MEIS3: variants seen among roughly 807,000 people sequenced by gnomAD.
The protein encoded by MEIS3 is homeobox protein Meis3.
A neutral mutation model predicts 51.4 loss-of-function variants in MEIS3; 38 were observed. The observed-to-expected ratio is 0.74, with a 90% confidence interval of 0.57 to 0.97. MEIS3 has a LOEUF of 0.97. Among genes scored for constraint, MEIS3 ranks in the 50% least tolerant of loss-of-function variants. The pLI is 0.00. For missense variants in MEIS3, 456 were observed against 502.6 expected (o/e 0.91, Z 0.89); for synonymous variants, 198 against 201.8 (o/e 0.98, Z 0.16).
At chr19:47,413,265 C>T (rs1037076821) in intron 6 of MEIS3, among the ~76,000 whole-genome samples, 2 of 151,876 alleles carry the variant, frequency 1.3e-5, no homozygotes, top group African/African-American at 2.4e-5. Flanking sequence ...TGGTCGTGGG[C>T]ACCTGTAGTC....
chr19:47,411,790 T>G (rs1322645042), intron 6 of MEIS3, among the ~76,000 whole-genome samples: 1 of 152,006 alleles, frequency 6.6e-6, no homozygotes, highest in East Asian at 1.9e-4. Context: ...TCCACCCCCC[T>G]CAGACTCACA....
Position 47,410,447 on chromosome 19 carries a change from C to T in MEIS3, c.598-900G>A, listed in dbSNP as rs192834750. On this transcript the variant is annotated intron_variant, in intron 6 of 12. Coordinates refer to ENST00000558555, the MANE Select transcript of MEIS3 (RefSeq NM_001301059.2). ...TGGCCGGGGTGACAAAGTGAGACTA[C>T]GTCTCAAAAAAAAAAAAAAAAGAAA... is the stretch of plus-strand genomic sequence containing the variant. Among the ~76,000 whole-genome samples the T allele has an allele frequency of 2.1e-3, 282 of 136,460 alleles. 1 individual carries two copies. The highest frequency in any genetic ancestry group is 3.5e-3 in the Non-Finnish European group (226 of 65,258). The allele number at this position is 136,460 out of a possible 152,430, so 89.5% of individuals were successfully genotyped here. A position where few individuals can be genotyped will look rare whatever the true frequency, so the allele number is the denominator to read the frequency against.
chr19:47,420,858 TG>T (rs768183562), upstream of MEIS3, among the ~76,000 whole-genome samples: 6 of 151,578 alleles, frequency 4.0e-5, no homozygotes, highest in Admixed American at 2.6e-4. Context: ...TCCCTCTGTC[TG>T]TCCATCCGTC....
At chr19:47,406,645 T>C (rs1203533683) in intron 11 of MEIS3, 119 bp from the exon 12 acceptor site, 2 of 1,060,106 alleles carry the variant, frequency 1.9e-6, no homozygotes, top group Non-Finnish European at 2.9e-6. Context: ...GACTGAGTCA[T>C]AAGAAGGTGC....
chr19:47,409,370 C>T (rs1243893760), intron 7 of MEIS3, 66 bp downstream of exon 7: 5 of 1,577,926 alleles, frequency 3.2e-6, no homozygotes, highest in Non-Finnish European at 2.6e-6. Flanking sequence ...ACAAGTCTTA[C>T]TTGCGATCTA....
chr19:47,419,132 G>A lies in MEIS3; in HGVS notation c.-51C>T. The A allele has an allele frequency of 8.2e-7, 1 of 1,223,352 alleles. No homozygotes were observed. The allele number at this position is 1,223,352 out of a possible 1,614,324, so 75.8% of individuals were successfully genotyped here. ...GGTCCCTCCAGAGCCTGGCCGCGGG[G>A]GAGGGCGCAGCCCGGGGCCGCAGCC... On this transcript the variant is annotated 5_prime_UTR_variant, in exon 1 of 13. Transcript: ENST00000558555.
Position 47,403,218 on chromosome 19 carries a change from G to A in MEIS3, c.*353C>T, listed in dbSNP as rs572185375. On this transcript the variant is annotated 3_prime_UTR_variant, in exon 13 of 13. Transcript: ENST00000558555. ...AGTGAAGGAATCTCTCCAAAATGTCGGATCCGGGCGACCCTCCTTCCCTGA... is the reference window on the plus strand; with the variant it reads ...AGTGAAGGAATCTCTCCAAAATGTCAGATCCGGGCGACCCTCCTTCCCTGA... 99 of 306,362 alleles carry A rather than the reference G, an allele frequency of 3.2e-4. No individual in the cohort carries two copies. Among genetic ancestry groups the A allele is most frequent in the African/African-American group, 2.0e-3 (88 of 43,658 alleles). The allele number at this position is 306,362 out of a possible 1,614,324, so 19.0% of individuals were successfully genotyped here.
rs376193949 is a variant in MEIS3, at chr19:47,415,011, C to T, written c.447+40G>A. 6.0e-5 allele frequency: 90 copies of T among 1,512,534 alleles called. 1 individual carries two copies. In the African/African-American group the frequency reaches 1.2e-3, roughly 21 times the overall value. 93.7% of individuals were successfully genotyped at this position (1,512,534 alleles called of 1,614,324 possible). Reference sequence around the variant, plus strand: ...GAGGCGACGAGAGGGGGTGGGATGACAGGGGCAAGTGAGGGTGTGGGGAGG... The same window carrying T: ...GAGGCGACGAGAGGGGGTGGGATGATAGGGGCAAGTGAGGGTGTGGGGAGG... On this transcript the variant is annotated intron_variant, in intron 5 of 12. Coordinates refer to ENST00000558555, the MANE Select transcript of MEIS3 (RefSeq NM_001301059.2).
At chr19:47,420,913 C>CAT (rs1971688343), upstream of MEIS3, among the ~76,000 whole-genome samples, 101 of 95,900 alleles carry the variant, frequency 1.1e-3, no homozygotes, top group African/African-American at 5.4e-3. Context: ...CTCTCTCTCA[C>CAT]ACACACACAC....
In MEIS3 at chr19:47,407,448, T is replaced by C. The variant is rs1970896827; in HGVS notation, c.859-20A>G. On this transcript the variant is annotated intron_variant, in intron 8 of 12. Transcript: ENST00000558555. ...CGGGTGCTGCAGCCACCAGCAAGAG[T>C]CACTCTGCCTGCCTGGCCGGCCGCA... 1 of 1,613,178 alleles carries C rather than the reference T, an allele frequency of 6.2e-7. No individual in the cohort carries two copies. Among genetic ancestry groups the C allele is most frequent in the Non-Finnish European group, 8.5e-7 (1 of 1,179,756 alleles).
upstream of MEIS3, among the ~76,000 whole-genome samples, chr19:47,420,942 T>C (rs12978246): frequency 3.9e-5 from 3 of 77,100 alleles, no homozygotes; most frequent in Admixed American, 1.5e-4. Context: ...ACACACACAC[T>C]CTCTCTCTCT....
At chr19:47,405,296 A>C (rs1319700667) in intron 12 of MEIS3, among the ~76,000 whole-genome samples, 1 of 152,192 alleles carries the variant, frequency 6.6e-6, no homozygotes, top group East Asian at 1.9e-4. Flanking sequence ...GGAAAGTCAA[A>C]TAATGCCCCC....
intron 1 of MEIS3, 54 bp from the exon 2 acceptor site, chr19:47,417,404 G>A (rs748920113): frequency 4.4e-6 from 7 of 1,599,626 alleles, no homozygotes; most frequent in African/African-American, 4.0e-5. Context: ...TCAGCACCCC[G>A]AGACTCGGCT....
At chr19:47,417,021 C>G (rs1971461903) in intron 2 of MEIS3, 58 bp from the exon 3 acceptor site, 4 of 1,545,176 alleles carry the variant, frequency 2.6e-6, no homozygotes, top group Non-Finnish European at 3.5e-6. Context: ...GATGGAGGGG[C>G]TGCCAAGATG....
At chr19:47,414,639 A>G in intron 6 of MEIS3, 78 bp downstream of exon 6, 1 of 1,480,152 alleles carries the variant, frequency 6.8e-7, no homozygotes, top group Non-Finnish European at 9.1e-7. Context: ...GAGGCTGTGT[A>G]GTGCACATGC....
chr19:47,419,189 T>A lies in MEIS3; in HGVS notation c.-108A>T, dbSNP rs376583445. 2 of 810,780 alleles carry A rather than the reference T, an allele frequency of 2.5e-6. No individual in the cohort carries two copies. The highest frequency in any genetic ancestry group is 3.3e-6 in the Non-Finnish European group (2 of 608,436). 50.2% of individuals were successfully genotyped at this position (810,780 alleles called of 1,614,324 possible). A position where few individuals can be genotyped will look rare whatever the true frequency, so the allele number is the denominator to read the frequency against. On this transcript the variant is annotated 5_prime_UTR_variant, in exon 1 of 13. Transcript: ENST00000558555. ...GGCCCGCGGTGTTGACGCCAGGGGGTGGGCAGGAGGCCAGGCGCGCGCCCC... is the reference window on the plus strand; with the variant it reads ...GGCCCGCGGTGTTGACGCCAGGGGGAGGGCAGGAGGCCAGGCGCGCGCCCC...
upstream of MEIS3, among the ~76,000 whole-genome samples, chr19:47,421,589 C>A (rs140236238): frequency 3.9e-5 from 6 of 152,196 alleles, no homozygotes; most frequent in Admixed American, 2.0e-4. Context: ...TTTGCTTCCT[C>A]CTCCTCATTC....
Position 47,403,400 on chromosome 19 carries a change from C to A in MEIS3, c.*171G>T, listed in dbSNP as rs976422991. ...AGGCCTTGCCGGTGTCCTTGAGAGCCCTTGGATGGGCACTCAGGCCCCCAT... is the reference window on the plus strand; with the variant it reads ...AGGCCTTGCCGGTGTCCTTGAGAGCACTTGGATGGGCACTCAGGCCCCCAT... On this transcript the variant is annotated 3_prime_UTR_variant, in exon 13 of 13. Coordinates refer to ENST00000558555, the MANE Select transcript of MEIS3 (RefSeq NM_001301059.2). 1.1e-5 allele frequency: 5 copies of A among 454,522 alleles called. No individual in the cohort carries two copies. The highest frequency in any genetic ancestry group is 2.0e-5 in the African/African-American group (1 of 50,026). The allele number at this position is 454,522 out of a possible 1,614,324, so 28.2% of individuals were successfully genotyped here. A position where few individuals can be genotyped will look rare whatever the true frequency, so the allele number is the denominator to read the frequency against.
intron 4 of MEIS3, chr19:47,415,879 TTCTTTCTTTCTTTC>T: frequency 6.7e-6 from 1 of 149,976 alleles, no homozygotes; most frequent in South Asian, 2.1e-4. Flanking sequence ...GGCCCTCTTT[TTCTTTCTTTCTTTC>T]TCTTTCTCTA....
Sources: allele counts gnomAD v4.1 joint callset (sites outside exome capture counted in the v4.1 genomes callset), GRCh38; gene constraint gnomAD v4.1.1; transcripts MANE v1.5; gene names NCBI Gene and HGNC (gene_info 2026-07-23, HGNC 2026-07-21).